The following DCST1 variants were observed in gnomAD, a reference collection of about 807,000 sequenced individuals.
DCST1 encodes the protein E3 ubiquitin-protein ligase DCST1.
A neutral mutation model predicts 89.1 loss-of-function variants in DCST1; 78 were observed. The ratio of observed to expected loss-of-function variants is 0.88; its 90% CI spans 0.73 to 1.06. DCST1 has a LOEUF of 1.06. DCST1 is among the 50% of genes least tolerant of loss of function. The pLI, the probability that DCST1 is intolerant of heterozygous loss-of-function variation, is 0.00. For missense variants in DCST1, 900 were observed against 928.6 expected (o/e 0.97, Z 0.40); for synonymous variants, 364 against 371.9 (o/e 0.98, Z 0.24).
At position 155,041,547 on chromosome 1, in the gene DCST1, C is replaced by T; in HGVS notation, c.682C>T (p.Pro228Ser). ...CCAGGGCAGGGAGGCCCGCCAAGCC[C>T]CAGCCTCCAGACTCCACCTGTCGAC... ...TAQGREARQA[P>S]ASRLHLSTQK... The change falls in exon 7 of 17, where the codon CCA becomes TCA. Residue 228 changes from proline to serine, a missense_variant. Transcript: ENST00000295542. 7 of 1,614,124 alleles carry T rather than the reference C, an allele frequency of 4.3e-6. No homozygotes were observed. The highest frequency in any genetic ancestry group is 5.9e-6 in the Non-Finnish European group (7 of 1,180,046).
intron 2 of DCST1, 122 bp from the exon 3 acceptor site, chr1:155,034,313 A>G (rs1558104757): frequency 1.9e-6 from 3 of 1,602,608 alleles, no homozygotes; most frequent in Non-Finnish European, 2.5e-6. Context: ...AGGGTCCCCT[A>G]AGTTCCTACT....
At chr1:155,041,956 G>T (rs1288083836) in intron 8 of DCST1, 99 bp downstream of exon 8, 21 of 1,534,690 alleles carry the variant, frequency 1.4e-5, no homozygotes, top group Admixed American at 3.8e-5. Context: ...AGATGAGGAG[G>T]GTTTTGGCCC....
At chr1:155,047,652 C>A (rs1054456492) in intron 14 of DCST1, 135 bp from the exon 15 acceptor site, 2 of 764,970 alleles carry the variant, frequency 2.6e-6, no homozygotes, top group East Asian at 5.2e-5. Context: ...CAGGGCAGTT[C>A]TGCAGTGAGG....
chr1:155,041,434 T>C lies in DCST1; in HGVS notation c.569T>C (p.Ile190Thr), dbSNP rs1396786953. Residue 190 changes from isoleucine to threonine, a missense_variant, in exon 7 of 17, where the codon ATC (isoleucine) becomes ACC (threonine). Transcript: ENST00000295542. ...KELLRAETRN[I>T]SATFEDLDAQ... ...TTGCTGAGAGCAGAGACTCGGAACA[T>C]CTCCGCCACTTTTGAGGACCTGGAT... The C allele has an allele frequency of 5.6e-6, 9 of 1,613,812 alleles. No homozygotes were observed. In the South Asian group the frequency reaches 6.6e-5, roughly 12 times the overall value.
intron 5 of DCST1, 94 bp from the exon 6 acceptor site, chr1:155,040,391 T>C: frequency 7.0e-7 from 1 of 1,421,826 alleles, no homozygotes; most frequent in Non-Finnish European, 9.5e-7. Context: ...TGTATAGTTC[T>C]AGGCGATGGG....
chr1:155,041,945 C>T, intron 8 of DCST1, 88 bp downstream of exon 8: 1 of 1,568,726 alleles, frequency 6.4e-7, no homozygotes, highest in East Asian at 2.3e-5. Flanking sequence ...AGGAAAGCAA[C>T]AGATGAGGAG....
At chr1:155,049,745 G>A (rs1660815784) in intron 16 of DCST1, among the ~76,000 whole-genome samples, 1 of 152,048 alleles carries the variant, frequency 6.6e-6, no homozygotes. Context: ...CAGCCCCCAT[G>A]ACACACAATA....
intron 9 of DCST1, 149 bp from the exon 10 acceptor site, chr1:155,043,203 G>T: frequency 9.0e-7 from 1 of 1,109,890 alleles, no homozygotes. Context: ...CCAGGAGGGT[G>T]GTGAGCAGAA....
At chr1:155,049,337 C>A in intron 16 of DCST1, 1 of 395,340 alleles carries the variant, frequency 2.5e-6, no homozygotes, top group Non-Finnish European at 4.5e-6. Context: ...GCAGTGATCA[C>A]ATCTCCAAGC....
In DCST1 at chr1:155,047,796, C is replaced by T; in HGVS notation, c.1622C>T (p.Pro541Leu). Residue 541 changes from proline to leucine, a missense_variant, in exon 15 of 17, where the codon CCC (proline) becomes CTC (leucine). Transcript: ENST00000295542. ...CCTGCCCCTCCCCTAGCCTGCCTGC[C>T]CCAGCCTGTGGGCCTGGATGCCAGG... ...VMESNNMPCL[P>L]QPVGLDARAY... 6.2e-7 allele frequency: 1 copy of T among 1,613,974 alleles called. No individual in the cohort carries two copies. The highest frequency in any genetic ancestry group is 8.5e-7 in the Non-Finnish European group (1 of 1,180,020).
At chr1:155,047,740 G>A in intron 14 of DCST1, 47 bp from the exon 15 acceptor site, 1 of 1,586,316 alleles carries the variant, frequency 6.3e-7, no homozygotes. Context: ...GGGCTGCCCT[G>A]CCCCTTGGCT....
chr1:155,042,176 G>A (rs533928565), intron 8 of DCST1, among the ~76,000 whole-genome samples: 10 of 152,160 alleles, frequency 6.6e-5, no homozygotes, highest in South Asian at 4.2e-4. Context: ...TCGGCTCACC[G>A]CAACCTCTGC....
chr1:155,038,697 T>C (rs1660342869), intron 4 of DCST1, among the ~76,000 whole-genome samples: 1 of 152,202 alleles, frequency 6.6e-6, no homozygotes, highest in African/African-American at 2.4e-5. Context: ...GTCCTGTCTT[T>C]GTCCAGCCTT....
chr1:155,043,309 C>T (rs749610299), intron 9 of DCST1, 43 bp from the exon 10 acceptor site: 55 of 1,612,988 alleles, frequency 3.4e-5, no homozygotes, highest in South Asian at 1.8e-4. Flanking sequence ...CCAGGTCTGA[C>T]GAGGTGGCCG....
At chr1:155,034,163 A>ACTC in intron 2 of DCST1, 66 bp downstream of exon 2, 1 of 1,593,462 alleles carries the variant, frequency 6.3e-7, no homozygotes, top group Non-Finnish European at 8.6e-7. Context: ...TCCTCCTGGA[A>ACTC]CTCCTGCACA....
At position 155,050,808 on chromosome 1, in the gene DCST1, C is replaced by T; in HGVS notation, c.2061C>T (p.Arg687=). Residue 687 remains arginine (R), a synonymous_variant, in exon 17 of 17, where the codon CGC becomes CGT. Transcript: ENST00000295542. The part of the protein sequence containing the change: ...MRQRCPVCTP[R]EELSSSAFSD... ...AGCGGTGCCCGGTCTGCACGCCCCGCGAAGAGCTCTCTTCCTCCGCCTTTA... is the reference window on the plus strand; with the variant it reads ...AGCGGTGCCCGGTCTGCACGCCCCGTGAAGAGCTCTCTTCCTCCGCCTTTA... The T allele has an allele frequency of 6.2e-7, 1 of 1,612,420 alleles. No individual in the cohort carries two copies. Among genetic ancestry groups the T allele is most frequent in the Non-Finnish European group, 8.5e-7 (1 of 1,179,414 alleles).
intron 16 of DCST1, chr1:155,049,152 G>C: frequency 1.4e-6 from 1 of 703,322 alleles, no homozygotes; most frequent in Non-Finnish European, 2.7e-6. Context: ...TCATTACTAT[G>C]ACAACGGTGT....
chr1:155,049,539 C>T (rs756212760), intron 16 of DCST1, among the ~76,000 whole-genome samples: 10 of 151,996 alleles, frequency 6.6e-5, no homozygotes, highest in African/African-American at 1.5e-4. Flanking sequence ...CTCAGCTTCC[C>T]GAGTAGCTGG....
chr1:155,037,827 A>G (rs1257093096), intron 4 of DCST1, among the ~76,000 whole-genome samples: 1 of 152,224 alleles, frequency 6.6e-6, no homozygotes, highest in Non-Finnish European at 1.5e-5. Context: ...AGACACCCAT[A>G]GCTCCATGGG....
Sources: gnomAD v4.1 joint callset for allele counts (sites outside exome capture counted in the v4.1 genomes callset) on GRCh38, gnomAD v4.1.1 for gene constraint, MANE v1.5 for transcripts, NCBI Gene and HGNC (gene_info 2026-07-23, HGNC 2026-07-21) for gene names.